CSNK2A2IP: variants seen among roughly 807,000 people sequenced by gnomAD.
The protein encoded by CSNK2A2IP is casein kinase II subunit alpha'-interacting protein.
the CSNK2A2IP span, among the ~76,000 whole-genome samples, chr3:88,398,735 T>C: frequency 1.5e-3 from 226 of 152,268 alleles, 1 homozygote; most frequent in African/African-American, 5.1e-3. Flanking sequence ...TGAGATACTA[T>C]AAAGACATCT....
chr3:88,355,228 A>G, the CSNK2A2IP span, among the ~76,000 whole-genome samples: 23 of 152,296 alleles, frequency 1.5e-4, no homozygotes, highest in East Asian at 4.4e-3. Context: ...GAAGTAGAGT[A>G]GATTGAGTTT....
the CSNK2A2IP span, among the ~76,000 whole-genome samples, chr3:88,431,908 A>G: frequency 1.3e-5 from 2 of 152,162 alleles, no homozygotes; most frequent in Admixed American, 1.3e-4. Context: ...GATAGTCTAA[A>G]TTTATGTGAA....
chr3:88,445,053 T>C, the CSNK2A2IP span, among the ~76,000 whole-genome samples: 1 of 152,094 alleles, frequency 6.6e-6, no homozygotes, highest in Non-Finnish European at 1.5e-5. Flanking sequence ...CATTTTCCTA[T>C]AGTTAAGATG....
At chr3:88,379,299 C>T in the CSNK2A2IP span, among the ~76,000 whole-genome samples, 1 of 151,966 alleles carries the variant, frequency 6.6e-6, no homozygotes. Flanking sequence ...AGAATAAACG[C>T]CTTGTCAAAA....
chr3:88,400,680 G>A, the CSNK2A2IP span, among the ~76,000 whole-genome samples: 1 of 152,088 alleles, frequency 6.6e-6, no homozygotes, highest in South Asian at 2.1e-4. Flanking sequence ...CACAAACTAG[G>A]AATTATAGGT....
the CSNK2A2IP span, chr3:88,465,784 C>T: frequency 1.6e-6 from 2 of 1,231,680 alleles, no homozygotes; most frequent in Non-Finnish European, 2.0e-6. Flanking sequence ...ATCACTGGAG[C>T]TCAATCAAGC....
chr3:88,431,005 G>T, the CSNK2A2IP span, among the ~76,000 whole-genome samples: 18 of 152,114 alleles, frequency 1.2e-4, no homozygotes, highest in Admixed American at 3.3e-4. Context: ...ATAAAACTAA[G>T]ACTTCGAAAT....
chr3:88,414,101 C>T, the CSNK2A2IP span, among the ~76,000 whole-genome samples: 1 of 151,082 alleles, frequency 6.6e-6, no homozygotes, highest in African/African-American at 2.4e-5. Context: ...AATAATATTA[C>T]AGTCTAGGGA....
chr3:88,438,391 C>T, the CSNK2A2IP span, among the ~76,000 whole-genome samples: 1 of 152,112 alleles, frequency 6.6e-6, no homozygotes, highest in South Asian at 2.1e-4. Flanking sequence ...CAAGCTAGGC[C>T]TTAGAAACTA....
the CSNK2A2IP span, among the ~76,000 whole-genome samples, chr3:88,411,579 T>C: frequency 6.6e-6 from 1 of 151,906 alleles, no homozygotes; most frequent in African/African-American, 2.4e-5. Context: ...ATACGGATTT[T>C]GTAGAAAAAA....
At chr3:88,383,244 A>G in the CSNK2A2IP span, among the ~76,000 whole-genome samples, 1 of 152,228 alleles carries the variant, frequency 6.6e-6, no homozygotes, top group Non-Finnish European at 1.5e-5. Flanking sequence ...AATAAAAAAT[A>G]TAAGAGATTA....
chr3:88,429,792 G>T, the CSNK2A2IP span, among the ~76,000 whole-genome samples: 1 of 151,948 alleles, frequency 6.6e-6, no homozygotes, highest in Non-Finnish European at 1.5e-5. Flanking sequence ...TCGTTCTGTC[G>T]CCCAGGCTGG....
the CSNK2A2IP span, among the ~76,000 whole-genome samples, chr3:88,441,349 A>C: frequency 2.0e-5 from 3 of 152,162 alleles, no homozygotes; most frequent in African/African-American, 7.2e-5. Flanking sequence ...GGAAAGTTTT[A>C]TTACTGTGGG....
chr3:88,370,625 T>TTTCTTTCTTTTCTCTCTCTC, the CSNK2A2IP span, among the ~76,000 whole-genome samples: 19 of 151,406 alleles, frequency 1.3e-4, no homozygotes, highest in East Asian at 3.7e-3. Context: ...TCTTTCTTTC[T>TTTCTTTCTTTTCTCTCTCTC]TTCTTTCTTT....
the CSNK2A2IP span, among the ~76,000 whole-genome samples, chr3:88,400,026 A>AT: frequency 1.3e-5 from 2 of 152,230 alleles, no homozygotes; most frequent in African/African-American, 4.8e-5. Flanking sequence ...AATGAAGCAT[A>AT]TAATGAGTAT....
At chr3:88,463,603 T>C in the CSNK2A2IP span, among the ~76,000 whole-genome samples, 1 of 152,146 alleles carries the variant, frequency 6.6e-6, no homozygotes, top group South Asian at 2.1e-4. Context: ...CACAATGAGA[T>C]ACCATCTCAC....
the CSNK2A2IP span, among the ~76,000 whole-genome samples, chr3:88,346,859 T>C: frequency 6.6e-6 from 1 of 151,994 alleles, no homozygotes; most frequent in East Asian, 1.9e-4. Flanking sequence ...TTTGTGAGGC[T>C]ATAGCTGCCA....
the CSNK2A2IP span, among the ~76,000 whole-genome samples, chr3:88,429,616 A>G: frequency 6.6e-6 from 1 of 152,148 alleles, no homozygotes; most frequent in Non-Finnish European, 1.5e-5. Context: ...TCATTATCAG[A>G]TGGGCCTGGA....
the CSNK2A2IP span, among the ~76,000 whole-genome samples, chr3:88,438,608 G>A: frequency 1.3e-5 from 2 of 152,132 alleles, no homozygotes; most frequent in African/African-American, 4.8e-5. Context: ...GCACAGAGAA[G>A]CCAAGAATCC....
Sources: allele counts gnomAD v4.1 joint callset (sites outside exome capture counted in the v4.1 genomes callset), GRCh38; gene constraint gnomAD v4.1.1; transcripts MANE v1.5; gene names NCBI Gene and HGNC (gene_info 2026-07-23, HGNC 2026-07-21).